NDUFA7: variants seen among roughly 807,000 people sequenced by gnomAD.
NDUFA7 encodes the protein NADH dehydrogenase [ubiquinone] 1 alpha subcomplex subunit 7.
Under a neutral mutation model 14.2 loss-of-function variants are expected in NDUFA7, and 18 were observed. The ratio of observed to expected loss-of-function variants is 1.27; its 90% CI spans 0.88 to 1.88. The LOEUF (loss-of-function observed/expected upper bound fraction) is 1.88, where lower values mean the gene tolerates loss of function less well. Ranked by LOEUF, NDUFA7 falls within the 40% of genes most tolerant of loss-of-function variation. The probability of loss-of-function intolerance (pLI) is 0.00; values close to 1 mark genes in which losing one functional copy is unlikely to be tolerated. For synonymous variants in NDUFA7, 75 were observed against 62.1 expected (o/e 1.21, Z -0.98); for missense variants, 172 against 147.3 (o/e 1.17, Z -0.87).
chr19:8,320,945 C>T (rs747114261), intron 1 of NDUFA7, 39 bp from the exon 2 acceptor site: 3 of 1,611,178 alleles, frequency 1.9e-6, no homozygotes, highest in South Asian at 1.1e-5. Flanking sequence ...CTGCAAGGCA[C>T]CCCAGGAGAG....
chr19:8,315,006 T>C (rs1970217108), intron 3 of NDUFA7, among the ~76,000 whole-genome samples: 1 of 152,196 alleles, frequency 6.6e-6, no homozygotes, highest in Admixed American at 6.5e-5. Flanking sequence ...CTGAGACATG[T>C]GCTATGTCAA....
At chr19:8,318,533 A>T (rs1206511495) in intron 2 of NDUFA7, among the ~76,000 whole-genome samples, 1 of 151,874 alleles carries the variant, frequency 6.6e-6, no homozygotes, top group Non-Finnish European at 1.5e-5. Context: ...AGGCACGGTA[A>T]CATGTGCCTG....
chr19:8,321,000 A>G, intron 1 of NDUFA7, 94 bp from the exon 2 acceptor site: 5 of 1,414,802 alleles, frequency 3.5e-6, no homozygotes, highest in Non-Finnish European at 5.0e-6. Context: ...GGGGATGCGC[A>G]TTTTAAGGGA....
rs745516210 is a variant in NDUFA7 at position 8,320,842 on chromosome 19, G to C, written c.101+15C>G. On this transcript the variant is annotated intron_variant, in intron 2 of 3. Transcript: ENST00000301457. ...GACAGAGCCAGAGGCTGGGCAGCGA[G>C]CGGGGCCTGCTCACCGCTTGGAGAT... The C allele has an allele frequency of 7.4e-6, 12 of 1,613,688 alleles. No individual in the cohort carries two copies. The highest frequency in any genetic ancestry group is 8.5e-6 in the Non-Finnish European group (10 of 1,179,994).
chr19:8,309,162 T>A (rs1301947297), downstream of NDUFA7, among the ~76,000 whole-genome samples: 1 of 150,914 alleles, frequency 6.6e-6, no homozygotes, highest in Non-Finnish European at 1.5e-5. Context: ...CCAGCGTGGG[T>A]GACAGTGAGA....
intron 2 of NDUFA7, among the ~76,000 whole-genome samples, chr19:8,317,731 A>AT (rs1295457039): frequency 6.6e-6 from 1 of 152,148 alleles, no homozygotes; most frequent in African/African-American, 2.4e-5. Context: ...AGGTGTGATC[A>AT]TAGCTCACTG....
chr19:8,319,856 A>C (rs900333755), intron 2 of NDUFA7, among the ~76,000 whole-genome samples: 8 of 150,908 alleles, frequency 5.3e-5, no homozygotes, highest in East Asian at 2.0e-4. Flanking sequence ...TTTCTTTTTT[A>C]TTTTTTTGAG....
intron 3 of NDUFA7, among the ~76,000 whole-genome samples, chr19:8,315,266 G>A (rs773791302): frequency 6.6e-6 from 1 of 152,110 alleles, no homozygotes; most frequent in African/African-American, 2.4e-5. Context: ...CCCGACACCG[G>A]TAAAGGGTCT....
intron 2 of NDUFA7, among the ~76,000 whole-genome samples, chr19:8,320,344 A>G (rs1263413938): frequency 6.6e-6 from 1 of 152,064 alleles, no homozygotes; most frequent in Non-Finnish European, 1.5e-5. Flanking sequence ...TTTCCCTACT[A>G]TGCTTCTCCC....
rs1970173947 is a variant in NDUFA7 at position 8,311,319 on chromosome 19, C to T, written c.*186G>A. ...CTTTGGGAGGTCAAGGCAGGAGGAT[C>T]GCTTGAGGCCAGGAGTTCAAGATCA... On this transcript the variant is annotated 3_prime_UTR_variant, in exon 4 of 4. Transcript: ENST00000301457. 2.3e-6 allele frequency: 1 copy of T among 436,142 alleles called. No individual in the cohort carries two copies. Among genetic ancestry groups the T allele is most frequent in the Admixed American group, 4.1e-5 (1 of 24,148 alleles). 27.0% of individuals were successfully genotyped at this position (436,142 alleles called of 1,614,324 possible).
At chr19:8,309,513 A>G (rs1359953849), downstream of NDUFA7, among the ~76,000 whole-genome samples, 2 of 151,452 alleles carry the variant, frequency 1.3e-5, no homozygotes, top group Non-Finnish European at 2.9e-5. Flanking sequence ...CTTGGTTCAG[A>G]TGCCGTCAGC....
chr19:8,313,423 G>A (rs1970200813), intron 3 of NDUFA7, among the ~76,000 whole-genome samples: 1 of 151,288 alleles, frequency 6.6e-6, no homozygotes, highest in Non-Finnish European at 1.5e-5. Context: ...GTACAGACAG[G>A]GTTTCAACAT....
intron 3 of NDUFA7, among the ~76,000 whole-genome samples, chr19:8,316,001 T>C (rs143527240): frequency 0.015 from 2,331 of 151,744 alleles, 66 homozygotes; most frequent in African/African-American, 0.053. Context: ...AATACAAAAA[T>C]TAGCTGGGTG....
chr19:8,317,333 G>A (rs889731216), intron 2 of NDUFA7, among the ~76,000 whole-genome samples: 3 of 152,128 alleles, frequency 2.0e-5, no homozygotes, highest in Non-Finnish European at 4.4e-5. Context: ...TTGGGAGGCC[G>A]AGGTGGGTGG....
chr19:8,309,982 T>A (rs2012175), downstream of NDUFA7, among the ~76,000 whole-genome samples: 17,157 of 152,228 alleles, frequency 0.11, 1,964 homozygotes, highest in African/African-American at 0.3. Context: ...GGGAGGCCTT[T>A]CCTGATCTGC....
At chr19:8,310,322 G>A (rs926325294), downstream of NDUFA7, among the ~76,000 whole-genome samples, 9 of 152,036 alleles carry the variant, frequency 5.9e-5, no homozygotes, top group African/African-American at 1.9e-4. Context: ...CCAGCTACTC[G>A]GGAGGCTGAG....
chr19:8,316,161 A>G (rs553945342), intron 3 of NDUFA7, among the ~76,000 whole-genome samples: 2 of 151,724 alleles, frequency 1.3e-5, no homozygotes, highest in South Asian at 4.2e-4. Flanking sequence ...AAAAAAAAAA[A>G]AAAAAAAAAT....
At chr19:8,320,744 G>A (rs909110775) in intron 2 of NDUFA7, 113 bp downstream of exon 2, 55 of 1,278,746 alleles carry the variant, frequency 4.3e-5, no homozygotes, top group Middle Eastern at 3.7e-4. Context: ...CCTGGCAGGG[G>A]ACTGGTGGCA....
At chr19:8,313,334 C>T (rs191008162) in intron 3 of NDUFA7, among the ~76,000 whole-genome samples, 11 of 152,060 alleles carry the variant, frequency 7.2e-5, no homozygotes, top group Admixed American at 3.3e-4. Context: ...GGGTTCACAC[C>T]ACTCTCCTGC....
Sources: gnomAD v4.1 joint callset for allele counts (sites outside exome capture counted in the v4.1 genomes callset) on GRCh38, gnomAD v4.1.1 for gene constraint, MANE v1.5 for transcripts, NCBI Gene and HGNC (gene_info 2026-07-23, HGNC 2026-07-21) for gene names.